The following CDK13 variants were observed in gnomAD, a reference collection of about 807,000 sequenced individuals.
CDK13 encodes the protein cyclin-dependent kinase 13.
A neutral mutation model predicts 137.6 loss-of-function variants in CDK13; 40 were observed. That is an observed-to-expected ratio of 0.29 (90% CI 0.23 to 0.38). CDK13 has a LOEUF of 0.38. Among genes scored for constraint, CDK13 ranks in the 10% least tolerant of loss-of-function variants. The probability of loss-of-function intolerance (pLI) is 1.00; values close to 1 mark genes in which losing one functional copy is unlikely to be tolerated. For synonymous variants in CDK13, 869 were observed against 760.1 expected, an observed-to-expected ratio of 1.14 and a Z score of -2.36; for missense variants, 1,704 against 1,951.8, an observed-to-expected ratio of 0.87 and a Z score of 2.39.
chr7:39,985,154 T>TA (rs1427466767), intron 1 of CDK13: 4 of 143,962 alleles, frequency 2.8e-5, no homozygotes, highest in African/African-American at 1.0e-4. Context: ...ACCGTCCTTC[T>TA]ACTCTCTATC....
At chr7:40,030,557 T>A (rs1283727045) in intron 5 of CDK13, among the ~76,000 whole-genome samples, 1 of 150,546 alleles carries the variant, frequency 6.6e-6, no homozygotes. Context: ...CGCACCACCA[T>A]GCCTGGCTAA....
chr7:40,009,265 G>C (rs1784850352), intron 5 of CDK13, among the ~76,000 whole-genome samples: 1 of 152,202 alleles, frequency 6.6e-6, no homozygotes, highest in Admixed American at 6.5e-5. Flanking sequence ...TGTCACTTGG[G>C]TGAAATGTAG....
rs1380245694 is a variant in CDK13, at chr7:40,098,750, A to G, written c.*3770A>G. 2.6e-5 allele frequency: 4 copies of G among 152,150 alleles called. No homozygotes were observed. Among genetic ancestry groups the G allele is most frequent in the African/African-American group, 9.6e-5 (4 of 41,456 alleles). 9.4% of individuals were successfully genotyped at this position (152,150 alleles called of 1,614,324 possible). On this transcript the variant is annotated 3_prime_UTR_variant, in exon 14 of 14. Coordinates refer to ENST00000181839, the MANE Select transcript of CDK13 (RefSeq NM_003718.5). ...AAATACTTAACTTTTTAATAGGGAA[A>G]TTGCTTCAAGATAACTTGACCAGTG...
intron 1 of CDK13, 160 bp downstream of exon 1, chr7:39,952,012 CGT>C (rs1562693565): frequency 2.9e-6 from 2 of 697,568 alleles, no homozygotes; most frequent in African/African-American, 3.7e-5. Context: ...TTTTCGCGCG[CGT>C]GACACTTTTT....
chr7:40,095,312 CT>C lies in CDK13; in HGVS notation c.*339del. The C allele has an allele frequency of 6.0e-6, 1 of 167,482 alleles. No individual in the cohort carries two copies. The highest frequency in any genetic ancestry group is 1.3e-5 in the Non-Finnish European group (1 of 78,292). 10.4% of individuals were successfully genotyped at this position (167,482 alleles called of 1,614,324 possible). ...ATCTTCTGAACTATGCACATTTGTGCTTTTTTTGTAAGTTTGGACCAACTTT... is the reference window on the plus strand; with the variant it reads ...ATCTTCTGAACTATGCACATTTGTGCTTTTTTGTAAGTTTGGACCAACTTT... On this transcript the variant is annotated 3_prime_UTR_variant, in exon 14 of 14. Transcript: ENST00000181839.
At chr7:40,069,378 T>C (rs1462545094) in intron 9 of CDK13, 3 of 448,330 alleles carry the variant, frequency 6.7e-6, no homozygotes, top group South Asian at 4.7e-5. Flanking sequence ...TACCGAAAAG[T>C]GTGTGGCCTT....
chr7:39,964,905 T>C (rs1224992317), intron 1 of CDK13, among the ~76,000 whole-genome samples: 1 of 152,200 alleles, frequency 6.6e-6, no homozygotes, highest in Non-Finnish European at 1.5e-5. Context: ...CAGCAGCAGG[T>C]TGTTCAGTTT....
chr7:40,062,791 T>C (rs1288641017), intron 7 of CDK13, 35 bp from the exon 8 acceptor site: 5 of 1,406,818 alleles, frequency 3.6e-6, no homozygotes, highest in African/African-American at 2.8e-5. Context: ...CTCCAACAAA[T>C]ACTAACTCTA....
chr7:39,997,552 T>G lies in CDK13; in HGVS notation c.1930T>G (p.Cys644Gly), dbSNP rs1039426248. 2 of 1,604,230 alleles carry G rather than the reference T, an allele frequency of 1.2e-6. No individual in the cohort carries two copies. Among genetic ancestry groups the G allele is most frequent in the African/African-American group, 2.7e-5 (2 of 74,224 alleles). ...VKKEVEKKLRCLLADLPLPPE... is the reference protein window; with the variant it reads ...VKKEVEKKLRGLLADLPLPPE... Reference sequence around the variant, plus strand: ...AAAAGAAGTAGAAAAGAAACTCCGATGTCTTCTTGCTGATTTACCGCTGCC... The same window carrying G: ...AAAAGAAGTAGAAAAGAAACTCCGAGGTCTTCTTGCTGATTTACCGCTGCC... The change falls in exon 3 of 14, where the codon TGT becomes GGT. Residue 644 changes from cysteine (C) to glycine (G), a missense_variant. Around this residue, in one of 5 missense-constraint regions of CDK13, gnomAD observed 1,051 missense variants for 931.0 expected, o/e 1.13. Transcript: ENST00000181839.
rs1005889089 is a variant in CDK13 at position 40,099,175 on chromosome 7, A to C, written c.*4195A>C. 3.3e-5 allele frequency: 5 copies of C among 152,096 alleles called. No homozygotes were observed. The highest frequency in any genetic ancestry group is 1.3e-4 in the Admixed American group (2 of 15,260). The allele number at this position is 152,096 out of a possible 1,614,324, so 9.4% of individuals were successfully genotyped here. A position where few individuals can be genotyped will look rare whatever the true frequency, so the allele number is the denominator to read the frequency against. On this transcript the variant is annotated 3_prime_UTR_variant, in exon 14 of 14. Coordinates refer to ENST00000181839, the MANE Select transcript of CDK13 (RefSeq NM_003718.5). ...CAAAGGCTTCTCCAGATAATTTCTT[A>C]AATGTTTCTACTTAAAAATAAAAGC...
At position 40,097,502 on chromosome 7, in the gene CDK13, T is replaced by A. The variant is rs1335558239; in HGVS notation, c.*2522T>A. ...TGAATTTGGATTAATAGAACAAAGT[T>A]GGGAAATCACTAGTTCTGTAGGTTA... On this transcript the variant is annotated 3_prime_UTR_variant, in exon 14 of 14. Transcript: ENST00000181839. The A allele has an allele frequency of 6.6e-6, 1 of 152,120 alleles. No individual in the cohort carries two copies. Among genetic ancestry groups the A allele is most frequent in the Admixed American group, 6.5e-5 (1 of 15,268 alleles). The allele number at this position is 152,120 out of a possible 1,614,324, so 9.4% of individuals were successfully genotyped here.
intron 2 of CDK13, among the ~76,000 whole-genome samples, chr7:39,994,877 A>C (rs904891476): frequency 2.6e-5 from 4 of 151,918 alleles, no homozygotes; most frequent in Non-Finnish European, 5.9e-5. Context: ...ATTCTTAGAC[A>C]AATTTTATAA....
chr7:40,055,407 A>C (rs1486396244), intron 7 of CDK13, among the ~76,000 whole-genome samples: 1 of 152,126 alleles, frequency 6.6e-6, no homozygotes, highest in African/African-American at 2.4e-5. Flanking sequence ...CACCACAAGA[A>C]TGTAATTTGT....
chr7:40,050,907 T>G (rs1317002383), intron 7 of CDK13, among the ~76,000 whole-genome samples: 1 of 152,210 alleles, frequency 6.6e-6, no homozygotes, highest in Non-Finnish European at 1.5e-5. Context: ...TATGCAGATA[T>G]TTGTGCACAT....
At chr7:40,002,865 G>C (rs1020143772) in intron 5 of CDK13, among the ~76,000 whole-genome samples, 5 of 137,290 alleles carry the variant, frequency 3.6e-5, no homozygotes, top group African/African-American at 1.4e-4. Flanking sequence ...AGGAGCTCAA[G>C]ACCAGCCTAG....
chr7:40,022,057 GCTCA>G (rs1390501338), intron 5 of CDK13, among the ~76,000 whole-genome samples: 7 of 152,182 alleles, frequency 4.6e-5, no homozygotes, highest in Non-Finnish European at 8.8e-5. Context: ...TACTTAGGCA[GCTCA>G]CTATCACTAG....
intron 1 of CDK13, among the ~76,000 whole-genome samples, chr7:39,960,260 T>A (rs1298150787): frequency 6.6e-6 from 1 of 152,012 alleles, no homozygotes; most frequent in African/African-American, 2.4e-5. Context: ...ATACTTTTTT[T>A]TTTGAGATGG....
At chr7:39,992,089 A>G (rs13243551) in intron 2 of CDK13, among the ~76,000 whole-genome samples, 17 of 45,654 alleles carry the variant, frequency 3.7e-4, no homozygotes, top group South Asian at 1.7e-3. Context: ...ACACACACAC[A>G]CACACACACA....
rs1314695336 is a variant in CDK13, at chr7:40,095,826, C to G, written c.*846C>G. On this transcript the variant is annotated 3_prime_UTR_variant, in exon 14 of 14. Transcript: ENST00000181839. Reference sequence around the variant, plus strand: ...TGTTAGGTCCATTCCCTCTGCTTGTCACACTTTCTCCTTTTCTGCCTGTCT... The same window carrying G: ...TGTTAGGTCCATTCCCTCTGCTTGTGACACTTTCTCCTTTTCTGCCTGTCT... 6.6e-6 allele frequency: 1 copy of G among 152,216 alleles called. No individual in the cohort carries two copies. The highest frequency in any genetic ancestry group is 1.5e-5 in the Non-Finnish European group (1 of 68,046). 9.4% of individuals were successfully genotyped at this position (152,216 alleles called of 1,614,324 possible). A position where few individuals can be genotyped will look rare whatever the true frequency, so the allele number is the denominator to read the frequency against.
Sources: gnomAD v4.1 joint callset for allele counts (sites outside exome capture counted in the v4.1 genomes callset) on GRCh38, gnomAD v4.1.1 for gene constraint, gnomAD v4.1.1 regional missense constraint, MANE v1.5 for transcripts, NCBI Gene and HGNC (gene_info 2026-07-23, HGNC 2026-07-21) for gene names.